The following HCRTR2 variants were observed in gnomAD, a reference collection of about 807,000 sequenced individuals.
HCRTR2 encodes the protein hypocretin receptor 2, also known as orexin receptor type 2.
A neutral mutation model predicts 49.0 loss-of-function variants in HCRTR2; 22 were observed. The ratio of observed to expected loss-of-function variants is 0.45; its 90% CI spans 0.32 to 0.64. HCRTR2 has a LOEUF of 0.64. Ranked by LOEUF, HCRTR2 falls within the 30% of genes least tolerant of loss-of-function variation. The pLI, the probability that HCRTR2 is intolerant of heterozygous loss-of-function variation, is 0.04. For synonymous variants in HCRTR2, 236 were observed against 205.3 expected, an observed-to-expected ratio of 1.15 and a Z score of -1.28; for missense variants, 491 against 559.4, an observed-to-expected ratio of 0.88 and a Z score of 1.23.
chr6:55,239,859 C>A (rs989139786), intron 1 of HCRTR2, among the ~76,000 whole-genome samples: 1 of 148,860 alleles, frequency 6.7e-6, no homozygotes, highest in African/African-American at 2.5e-5. Flanking sequence ...CTCACTGCAA[C>A]CCCCGCCTCC....
At chr6:55,247,165 T>C (rs545075149) in intron 1 of HCRTR2, among the ~76,000 whole-genome samples, 2 of 152,176 alleles carry the variant, frequency 1.3e-5, no homozygotes, top group African/African-American at 2.4e-5. Context: ...TGTGTGTGTG[T>C]TTCAAGTGTT....
At chr6:55,175,212 G>C (rs1390428081) in intron 1 of HCRTR2, among the ~76,000 whole-genome samples, 1 of 152,066 alleles carries the variant, frequency 6.6e-6, no homozygotes, top group Non-Finnish European at 1.5e-5. Flanking sequence ...ACGAGACAGA[G>C]CTTGCAGAAT....
At chr6:55,157,200 CA>C (rs1204850333) in intron 1 of HCRTR2, among the ~76,000 whole-genome samples, 2 of 151,984 alleles carry the variant, frequency 1.3e-5, no homozygotes, top group African/African-American at 4.8e-5. Flanking sequence ...TATCAATTCT[CA>C]AAAAACACTT....
At chr6:55,163,077 A>G (rs1287544923) in intron 1 of HCRTR2, among the ~76,000 whole-genome samples, 1 of 152,088 alleles carries the variant, frequency 6.6e-6, no homozygotes, top group Non-Finnish European at 1.5e-5. Flanking sequence ...TCTACTAAAA[A>G]TACAAAAAAT....
chr6:55,132,261 T>C (rs1402486125), intron 1 of HCRTR2, among the ~76,000 whole-genome samples: 1 of 151,904 alleles, frequency 6.6e-6, no homozygotes, highest in Non-Finnish European at 1.5e-5. Context: ...TTGTGTCTCC[T>C]AAACTCTTTC....
chr6:55,282,557 G>T lies in HCRTR2; in HGVS notation c.*103G>T, dbSNP rs1419070998. The T allele has an allele frequency of 1.5e-6, 1 of 683,126 alleles. No homozygotes were observed. The highest frequency in any genetic ancestry group is 2.5e-6 in the Non-Finnish European group (1 of 395,750). The allele number at this position is 683,126 out of a possible 1,614,324, so 42.3% of individuals were successfully genotyped here. A position where few individuals can be genotyped will look rare whatever the true frequency, so the allele number is the denominator to read the frequency against. On this transcript the variant is annotated 3_prime_UTR_variant, in exon 7 of 7. Coordinates refer to ENST00000370862, the MANE Select transcript of HCRTR2 (RefSeq NM_001384272.1). ...CTATGATGTGAAGCTAAAATTACTTGTGGATCTTTTTTTTTTTTAATCTAT... is the reference window on the plus strand; with the variant it reads ...CTATGATGTGAAGCTAAAATTACTTTTGGATCTTTTTTTTTTTTAATCTAT...
chr6:55,194,236 T>G (rs1002359578), intron 1 of HCRTR2, among the ~76,000 whole-genome samples: 1 of 152,130 alleles, frequency 6.6e-6, no homozygotes, highest in Non-Finnish European at 1.5e-5. Flanking sequence ...TTAGGATGCA[T>G]GTATTATTAG....
At chr6:55,191,913 T>C (rs953001220) in intron 1 of HCRTR2, among the ~76,000 whole-genome samples, 1 of 152,162 alleles carries the variant, frequency 6.6e-6, no homozygotes, top group Non-Finnish European at 1.5e-5. Context: ...TTGCAAATAT[T>C]CTACCTTCAA....
intron 1 of HCRTR2, among the ~76,000 whole-genome samples, chr6:55,139,720 C>T (rs1764480927): frequency 6.6e-6 from 1 of 152,072 alleles, no homozygotes; most frequent in Non-Finnish European, 1.5e-5. Flanking sequence ...TTATGCATAA[C>T]TATTGGTCTT....
Position 55,250,242 on chromosome 6 carries a change from T to TG in HCRTR2, c.402+1425_402+1426insG, listed in dbSNP as rs373534889. Among the ~76,000 whole-genome samples the TG allele has an allele frequency of 4.5e-3, 689 of 152,196 alleles. 2 individuals carry two copies. The highest frequency in any genetic ancestry group is 0.015 in the African/African-American group (630 of 41,544). ...ACAAAACGAACAGTAGCACATTTTTTTGTGTGTGAGGAAAAACTACATGGG... is the reference window on the plus strand; with the variant it reads ...ACAAAACGAACAGTAGCACATTTTTTGTGTGTGTGAGGAAAAACTACATGGG... On this transcript the variant is annotated intron_variant, in intron 2 of 6. Transcript: ENST00000370862.
chr6:55,260,278 A>T (rs1035352084), intron 3 of HCRTR2, among the ~76,000 whole-genome samples: 4 of 152,202 alleles, frequency 2.6e-5, no homozygotes, highest in Non-Finnish European at 5.9e-5. Flanking sequence ...AGATTTTGTC[A>T]TGAGGAAAGC....
chr6:55,109,855 C>G (rs558428297), intron 1 of HCRTR2, among the ~76,000 whole-genome samples: 5 of 152,040 alleles, frequency 3.3e-5, no homozygotes, highest in Non-Finnish European at 4.4e-5. Flanking sequence ...CATTCGAATA[C>G]AAGAAGCTCA....
At chr6:55,110,456 C>T (rs952178637) in intron 1 of HCRTR2, among the ~76,000 whole-genome samples, 4 of 151,998 alleles carry the variant, frequency 2.6e-5, no homozygotes, top group African/African-American at 9.7e-5. Context: ...AATTCACCAA[C>T]CAAATACCTG....
At chr6:55,110,304 C>CACA (rs913663294) in intron 1 of HCRTR2, among the ~76,000 whole-genome samples, 20 of 151,832 alleles carry the variant, frequency 1.3e-4, no homozygotes, top group South Asian at 4.2e-4. Flanking sequence ...AAAACAATAA[C>CACA]ACAACAACAA....
chr6:55,125,346 G>T (rs1446647070), intron 1 of HCRTR2, among the ~76,000 whole-genome samples: 1 of 152,070 alleles, frequency 6.6e-6, no homozygotes, highest in Non-Finnish European at 1.5e-5. Context: ...TTTCTGTAAA[G>T]GATTTTATTT....
chr6:55,189,182 A>C (rs1581817724), intron 1 of HCRTR2, among the ~76,000 whole-genome samples: 1 of 152,166 alleles, frequency 6.6e-6, no homozygotes, highest in East Asian at 1.9e-4. Flanking sequence ...GGATTGGATT[A>C]AACATGTTTT....
intron 1 of HCRTR2, among the ~76,000 whole-genome samples, chr6:55,123,653 G>T (rs540026839): frequency 6.6e-6 from 1 of 152,170 alleles, no homozygotes; most frequent in South Asian, 2.1e-4. Flanking sequence ...AATGAATTAG[G>T]GAGGATTCCT....
At chr6:55,163,222 G>C (rs1355636653) in intron 1 of HCRTR2, among the ~76,000 whole-genome samples, 2 of 150,968 alleles carry the variant, frequency 1.3e-5, no homozygotes, top group Admixed American at 1.3e-4. Context: ...GAGTGACAGA[G>C]CAAGACTCCG....
intron 1 of HCRTR2, among the ~76,000 whole-genome samples, chr6:55,152,488 C>G (rs1011086283): frequency 6.6e-6 from 1 of 151,904 alleles, no homozygotes; most frequent in Admixed American, 6.6e-5. Context: ...GATATTAACT[C>G]TTTATCTGAT....
Sources: allele counts gnomAD v4.1 joint callset (sites outside exome capture counted in the v4.1 genomes callset), GRCh38; gene constraint gnomAD v4.1.1; transcripts MANE v1.5; gene names NCBI Gene and HGNC (gene_info 2026-07-23, HGNC 2026-07-21).